Variants in GRIP1 observed in about 807,000 individuals in gnomAD.
GRIP1 encodes the protein glutamate receptor-interacting protein 1.
Under a neutral mutation model 129.9 loss-of-function variants are expected in GRIP1, and 45 were observed. That is an observed-to-expected ratio of 0.35 (90% CI 0.27 to 0.44). GRIP1 has a LOEUF of 0.44. Among genes scored for constraint, GRIP1 ranks in the 20% least tolerant of loss-of-function variants. The probability of loss-of-function intolerance (pLI) is 1.00; values close to 1 mark genes in which losing one functional copy is unlikely to be tolerated. For missense variants in GRIP1, 1,196 were observed against 1,396.8 expected (o/e 0.86, Z 2.29); for synonymous variants, 530 against 520.8 (o/e 1.02, Z -0.24).
rs377630345 is a variant in GRIP1, at chr12:66,785,343, C to CATACATACATACATACAT, written c.-420+18709_-420+18710insATGTATGTATGTATGTAT. 1.5e-4 allele frequency among the ~76,000 whole-genome samples: 11 copies of CATACATACATACATACAT among 72,778 alleles called. 1 individual carries two copies. The highest frequency in any genetic ancestry group is 5.1e-4 in the African/African-American group (10 of 19,694). 47.7% of individuals were successfully genotyped at this position (72,778 alleles called of 152,430 possible). A position where few individuals can be genotyped will look rare whatever the true frequency, so the allele number is the denominator to read the frequency against. ...ACATACATACATACATACATACATA[C>CATACATACATACATACAT]ATATATATATATATATATATTAGTT... On this transcript the variant is annotated intron_variant, in intron 1 of 4. Coordinates refer to the GRIP1 transcript ENST00000538373.
At chr12:66,988,288 T>C (rs1213683969) in intron 1 of GRIP1, among the ~76,000 whole-genome samples, 1 of 152,110 alleles carries the variant, frequency 6.6e-6, no homozygotes, top group Non-Finnish European at 1.5e-5. Context: ...GTCTCAAAAA[T>C]AATAATAATA....
chr12:67,066,888 T>TTTTTTATATATA (rs59891449), intron 1 of GRIP1, among the ~76,000 whole-genome samples: 2,272 of 125,596 alleles, frequency 0.018, 45 homozygotes, highest in Non-Finnish European at 0.028. Context: ...AAATATATAT[T>TTTTTTATATATA]TATATATATA....
At chr12:66,710,176 T>A (rs2136395154) in intron 1 of GRIP1, among the ~76,000 whole-genome samples, 1 of 152,080 alleles carries the variant, frequency 6.6e-6, no homozygotes. Flanking sequence ...AGTGAGGATT[T>A]ATGTTCTACC....
At chr12:66,490,147 C>G (rs1302002552) in intron 7 of GRIP1, among the ~76,000 whole-genome samples, 2 of 151,926 alleles carry the variant, frequency 1.3e-5, no homozygotes, top group Non-Finnish European at 2.9e-5. Context: ...CTGTATGGAA[C>G]CAAAAAAGAG....
In GRIP1 at chr12:67,029,578, C is replaced by CA. The variant is rs10563216; in HGVS notation, c.58+39471dup. On this transcript the variant is annotated intron_variant, in intron 1 of 1. Coordinates refer to the GRIP1 transcript ENST00000643019. Reference sequence around the variant, plus strand: ...TAGGCAACAGAGCAAGACCCTGACTCAAAAAAAAAAAAAAAAAAAAGCCAA... The same window carrying CA: ...TAGGCAACAGAGCAAGACCCTGACTCAAAAAAAAAAAAAAAAAAAAAGCCAA... 9.4e-3 allele frequency among the ~76,000 whole-genome samples: 827 copies of CA among 88,422 alleles called. 12 individuals carry two copies. The highest frequency in any genetic ancestry group is 0.027 in the African/African-American group (702 of 26,164). 58.0% of individuals were successfully genotyped at this position (88,422 alleles called of 152,430 possible).
chr12:66,859,267 AC>A (rs149281250), intron 1 of GRIP1, among the ~76,000 whole-genome samples: 87,481 of 124,764 alleles, frequency 0.7, 33,842 homozygotes, highest in South Asian at 0.88. Context: ...CTGAAAAAAA[AC>A]AAAAAAACAA....
intron 1 of GRIP1, among the ~76,000 whole-genome samples, chr12:67,011,807 C>T (rs745342366): frequency 1.1e-4 from 16 of 152,164 alleles, no homozygotes; most frequent in Non-Finnish European, 1.8e-4. Context: ...GGGTCAGCAA[C>T]ATTTTTCTTT....
chr12:66,905,689 T>G (rs2040919981), intron 1 of GRIP1, among the ~76,000 whole-genome samples: 1 of 152,176 alleles, frequency 6.6e-6, no homozygotes, highest in Non-Finnish European at 1.5e-5. Context: ...GATTAGAAGG[T>G]CTTATTATAG....
At chr12:66,426,630 G>A (rs1002854567) in intron 14 of GRIP1, among the ~76,000 whole-genome samples, 1 of 152,054 alleles carries the variant, frequency 6.6e-6, no homozygotes, top group Non-Finnish European at 1.5e-5. Context: ...TTCCTCAAGT[G>A]TCCATTTTTC....
At chr12:66,687,990 T>C (rs2034843886) in intron 1 of GRIP1, among the ~76,000 whole-genome samples, 1 of 152,206 alleles carries the variant, frequency 6.6e-6, no homozygotes, top group Non-Finnish European at 1.5e-5. Context: ...TTGGAGTTGC[T>C]ATCTTATCAC....
intron 9 of GRIP1, among the ~76,000 whole-genome samples, chr12:66,457,859 T>C (rs1307119559): frequency 6.6e-6 from 1 of 152,132 alleles, no homozygotes; most frequent in African/African-American, 2.4e-5. Context: ...ACTCAGCCAC[T>C]CTAAACCTGA....
At chr12:66,768,464 CA>C (rs1299118749) in intron 1 of GRIP1, among the ~76,000 whole-genome samples, 1 of 152,108 alleles carries the variant, frequency 6.6e-6, no homozygotes, top group Non-Finnish European at 1.5e-5. Flanking sequence ...CTAGAATTGC[CA>C]ATACAGATGA....
intron 7 of GRIP1, among the ~76,000 whole-genome samples, chr12:66,504,088 G>C (rs1050099218): frequency 8.5e-5 from 13 of 152,116 alleles, no homozygotes; most frequent in Non-Finnish European, 8.8e-5. Flanking sequence ...AAACTGGTGA[G>C]AACATCCCCA....
intron 1 of GRIP1, among the ~76,000 whole-genome samples, chr12:66,983,401 C>G (rs1013834164): frequency 6.6e-6 from 1 of 151,966 alleles, no homozygotes; most frequent in African/African-American, 2.4e-5. Context: ...TTTAAGAAAT[C>G]AAAATATTAT....
At chr12:66,955,922 G>T (rs770669486) in intron 1 of GRIP1, among the ~76,000 whole-genome samples, 2 of 152,144 alleles carry the variant, frequency 1.3e-5, no homozygotes, top group Admixed American at 6.5e-5. Flanking sequence ...AAGAGCTTTC[G>T]AGTGAATTAA....
At chr12:66,987,183 A>G (rs947376276) in intron 1 of GRIP1, among the ~76,000 whole-genome samples, 2 of 152,186 alleles carry the variant, frequency 1.3e-5, no homozygotes, top group Non-Finnish European at 2.9e-5. Flanking sequence ...AGGGTGAAAC[A>G]TAATTCATTG....
chr12:67,061,422 G>A (rs181701114), intron 1 of GRIP1, among the ~76,000 whole-genome samples: 1 of 152,178 alleles, frequency 6.6e-6, no homozygotes, highest in African/African-American at 2.4e-5. Flanking sequence ...TCTATACCTA[G>A]GCCAAATAGC....
chr12:66,791,503 T>C (rs1212668116), intron 1 of GRIP1, among the ~76,000 whole-genome samples: 1 of 152,114 alleles, frequency 6.6e-6, no homozygotes. Flanking sequence ...GTAATGTCAG[T>C]AGCAGGAGTG....
At chr12:66,846,421 G>A (rs1246702358) in intron 1 of GRIP1, among the ~76,000 whole-genome samples, 2 of 152,140 alleles carry the variant, frequency 1.3e-5, no homozygotes, top group Non-Finnish European at 2.9e-5. Flanking sequence ...CCCAGTATCT[G>A]TCATGGAATT....
Sources: gnomAD v4.1 joint callset for allele counts (sites outside exome capture counted in the v4.1 genomes callset) on GRCh38, gnomAD v4.1.1 for gene constraint, MANE v1.5 for transcripts, NCBI Gene and HGNC (gene_info 2026-07-23, HGNC 2026-07-21) for gene names.